The following PGCKA1 variants were observed in gnomAD, a reference collection of about 807,000 sequenced individuals.
PGCKA1 encodes the protein PDCD10 and GCKIII kinases associated 1, also known as PDCD10 and GCKIII kinases-associated protein 1.
the PGCKA1 span, chr4:37,590,934 G>C: frequency 6.2e-7 from 1 of 1,614,070 alleles, no homozygotes; most frequent in Admixed American, 1.7e-5. Flanking sequence ...AGGATGCAGC[G>C]GTGGCGGAGG....
chr4:37,549,423 A>G, the PGCKA1 span, among the ~76,000 whole-genome samples: 7 of 152,198 alleles, frequency 4.6e-5, no homozygotes, highest in African/African-American at 1.7e-4. Flanking sequence ...CTCAAAAACA[A>G]CTAGCTGGGG....
chr4:37,564,519 T>TTTATTTATTTA, the PGCKA1 span, among the ~76,000 whole-genome samples: 1 of 150,966 alleles, frequency 6.6e-6, no homozygotes. Flanking sequence ...TTATTTATTT[T>TTTATTTATTTA]TTTTGAGATG....
the PGCKA1 span, among the ~76,000 whole-genome samples, chr4:37,516,355 G>T: frequency 6.6e-6 from 1 of 152,344 alleles, no homozygotes; most frequent in African/African-American, 2.4e-5. Context: ...GACCGAAATC[G>T]ATGTTTTCCG....
the PGCKA1 span, among the ~76,000 whole-genome samples, chr4:37,521,120 T>C: frequency 6.6e-6 from 1 of 152,218 alleles, no homozygotes; most frequent in Non-Finnish European, 1.5e-5. Context: ...TGGTTTGCTC[T>C]TGCTTTTCTA....
At chr4:37,536,928 A>C in the PGCKA1 span, among the ~76,000 whole-genome samples, 21 of 152,336 alleles carry the variant, frequency 1.4e-4, no homozygotes, top group East Asian at 7.7e-4. Context: ...CTTTTTGGTA[A>C]TACATGTAGT....
the PGCKA1 span, among the ~76,000 whole-genome samples, chr4:37,573,629 T>C: frequency 0.24 from 37,200 of 152,218 alleles, 4,628 homozygotes; most frequent in South Asian, 0.34. Flanking sequence ...ACCTTGTTAA[T>C]GGCTGCAGGG....
chr4:37,531,977 G>A, the PGCKA1 span, among the ~76,000 whole-genome samples: 2 of 151,550 alleles, frequency 1.3e-5, no homozygotes, highest in Non-Finnish European at 2.9e-5. Flanking sequence ...TCCATGCTTT[G>A]GAGGTAATTG....
At chr4:37,540,163 CCTCT>C in the PGCKA1 span, among the ~76,000 whole-genome samples, 1 of 152,082 alleles carries the variant, frequency 6.6e-6, no homozygotes, top group African/African-American at 2.4e-5. Flanking sequence ...GACCTTTTTT[CCTCT>C]CTTTTTCCAA....
chr4:37,492,710 T>A, the PGCKA1 span, among the ~76,000 whole-genome samples: 1 of 152,200 alleles, frequency 6.6e-6, no homozygotes, highest in Non-Finnish European at 1.5e-5. This position sits in a 1 kb window ranked among gnomAD's most constrained non-coding sequence, Gnocchi z 4.7. Flanking sequence ...AAGGATAAAC[T>A]TCCAGACTTC....
At chr4:37,550,636 AG>A in the PGCKA1 span, among the ~76,000 whole-genome samples, 1 of 152,186 alleles carries the variant, frequency 6.6e-6, no homozygotes, top group Non-Finnish European at 1.5e-5. Context: ...ATAAAAGGAG[AG>A]GTTCAAAGAC....
the PGCKA1 span, among the ~76,000 whole-genome samples, chr4:37,517,263 A>G: frequency 7.0e-6 from 1 of 143,486 alleles, no homozygotes; most frequent in African/African-American, 2.7e-5. Context: ...AAAAATATAT[A>G]TATATAAATA....
At chr4:37,458,180 C>A in the PGCKA1 span, among the ~76,000 whole-genome samples, 69 of 152,244 alleles carry the variant, frequency 4.5e-4, 1 homozygote, top group South Asian at 4.8e-3. Context: ...AGTCATACAG[C>A]TGCCCATTGG....
At chr4:37,473,810 A>G in the PGCKA1 span, among the ~76,000 whole-genome samples, 1 of 152,084 alleles carries the variant, frequency 6.6e-6, no homozygotes, top group African/African-American at 2.4e-5. Context: ...AACATACATG[A>G]TACCCAAATG....
the PGCKA1 span, among the ~76,000 whole-genome samples, chr4:37,503,517 T>C: frequency 5.9e-5 from 9 of 152,190 alleles, no homozygotes; most frequent in African/African-American, 1.9e-4. Flanking sequence ...CACCTATTTT[T>C]AGTTTGTTGG....
At chr4:37,587,662 T>C in the PGCKA1 span, among the ~76,000 whole-genome samples, 1 of 152,196 alleles carries the variant, frequency 6.6e-6, no homozygotes, top group Admixed American at 6.5e-5. Flanking sequence ...AGATTCTGTT[T>C]TGGCTTGTCT....
the PGCKA1 span, among the ~76,000 whole-genome samples, chr4:37,579,394 T>C: frequency 6.6e-6 from 1 of 152,224 alleles, no homozygotes; most frequent in African/African-American, 2.4e-5. Flanking sequence ...TCATTGCTCA[T>C]TAACATCCCT....
chr4:37,592,058 A>G, the PGCKA1 span, among the ~76,000 whole-genome samples: 1 of 151,860 alleles, frequency 6.6e-6, no homozygotes, highest in East Asian at 1.9e-4. Context: ...AATACAAAAA[A>G]TTATCCGGGC....
At chr4:37,572,112 G>T in the PGCKA1 span, among the ~76,000 whole-genome samples, 534 of 135,296 alleles carry the variant, frequency 3.9e-3, 5 homozygotes, top group Non-Finnish European at 5.7e-3. Flanking sequence ...GCCCAGGCTG[G>T]AGTGCAGTGG....
At chr4:37,590,202 C>G in the PGCKA1 span, 1 of 1,614,206 alleles carries the variant, frequency 6.2e-7, no homozygotes, top group Non-Finnish European at 8.5e-7. Flanking sequence ...GCAGTGAAGT[C>G]TTGGTGCAGA....
Sources: gnomAD v4.1 joint callset for allele counts (sites outside exome capture counted in the v4.1 genomes callset) on GRCh38, gnomAD v4.1.1 for gene constraint, Gnocchi (gnomAD v3.1) non-coding constraint, MANE v1.5 for transcripts, NCBI Gene and HGNC (gene_info 2026-07-23, HGNC 2026-07-21) for gene names.